The following ZNF704 variants were observed in gnomAD, a reference collection of about 807,000 sequenced individuals.
The protein encoded by ZNF704 is zinc finger protein 704.
ZNF704 carries 10 observed loss-of-function variants against 44.7 expected under a neutral mutation model. The observed-to-expected ratio is 0.22, with a 90% confidence interval of 0.14 to 0.38. The LOEUF (loss-of-function observed/expected upper bound fraction) is 0.38, where lower values mean the gene tolerates loss of function less well. Ranked by LOEUF, ZNF704 falls within the 10% of genes least tolerant of loss-of-function variation. The pLI is 1.00. For synonymous variants in ZNF704, 211 were observed against 207.6 expected, an observed-to-expected ratio of 1.02 and a Z score of -0.14; for missense variants, 390 against 545.5, an observed-to-expected ratio of 0.71 and a Z score of 2.84.
At chr8:80,841,983 G>A (rs917507498) in intron 1 of ZNF704, among the ~76,000 whole-genome samples, 1 of 151,956 alleles carries the variant, frequency 6.6e-6, no homozygotes, top group African/African-American at 2.4e-5. Flanking sequence ...TTTTTCTAGC[G>A]ATTGGGTCTC....
At chr8:80,659,548 T>C in intron 7 of ZNF704, 37 bp downstream of exon 7, 1 of 1,586,058 alleles carries the variant, frequency 6.3e-7, no homozygotes, top group Non-Finnish European at 8.7e-7. Context: ...TACATTGGCT[T>C]TGACCAGATT....
chr8:80,723,421 A>C (rs1272706316), intron 2 of ZNF704, among the ~76,000 whole-genome samples: 1 of 152,210 alleles, frequency 6.6e-6, no homozygotes, highest in Non-Finnish European at 1.5e-5. Flanking sequence ...TGAAATTTAC[A>C]AATGTGTTTT....
intron 2 of ZNF704, among the ~76,000 whole-genome samples, chr8:80,750,251 ACT>A (rs1261728328): frequency 1.3e-5 from 2 of 151,180 alleles, no homozygotes; most frequent in African/African-American, 4.9e-5. Flanking sequence ...ATGATTTCTC[ACT>A]CTGACTCGGA....
At chr8:80,779,200 TA>T in intron 2 of ZNF704, among the ~76,000 whole-genome samples, 1 of 151,810 alleles carries the variant, frequency 6.6e-6, no homozygotes, top group Non-Finnish European at 1.5e-5. Context: ...ACATGACATT[TA>T]AAAAAAATTC....
intron 2 of ZNF704, among the ~76,000 whole-genome samples, chr8:80,806,318 G>A (rs564445183): frequency 3.3e-5 from 5 of 152,236 alleles, no homozygotes; most frequent in Non-Finnish European, 5.9e-5. Flanking sequence ...TTTTTGCTCC[G>A]TGAGATCTAA....
chr8:80,854,714 G>A (rs535572845), intron 1 of ZNF704, among the ~76,000 whole-genome samples: 1 of 152,178 alleles, frequency 6.6e-6, no homozygotes, highest in Non-Finnish European at 1.5e-5. Context: ...TTGGAGCTTA[G>A]ACTGGTTTTG....
intron 2 of ZNF704, among the ~76,000 whole-genome samples, chr8:80,782,134 T>A (rs1242199680): frequency 6.6e-6 from 1 of 152,184 alleles, no homozygotes; most frequent in Admixed American, 6.5e-5. Flanking sequence ...CCTCTTGCTT[T>A]GAGTTAGCGC....
chr8:80,672,351 C>A (rs1361966451), intron 4 of ZNF704, among the ~76,000 whole-genome samples: 2 of 152,178 alleles, frequency 1.3e-5, no homozygotes, highest in Non-Finnish European at 1.5e-5. Flanking sequence ...CTGTGGAAGG[C>A]AGTTTGGAGA....
chr8:80,792,050 A>G (rs771566368), intron 2 of ZNF704, among the ~76,000 whole-genome samples: 8 of 152,170 alleles, frequency 5.3e-5, no homozygotes, highest in Non-Finnish European at 1.2e-4. Context: ...CCCTGGGGGC[A>G]CATCTGATGT....
chr8:80,801,247 T>C (rs1329678247), intron 2 of ZNF704, among the ~76,000 whole-genome samples: 2 of 152,112 alleles, frequency 1.3e-5, no homozygotes, highest in Non-Finnish European at 2.9e-5. Flanking sequence ...ACTGACAATA[T>C]TAGACAGATC....
chr8:80,826,385 T>A (rs938937330), intron 1 of ZNF704, among the ~76,000 whole-genome samples: 2 of 152,138 alleles, frequency 1.3e-5, no homozygotes, highest in African/African-American at 2.4e-5. Flanking sequence ...CAGGAAGAAG[T>A]TGAATCCCTG....
chr8:80,716,205 T>C (rs994604388), intron 2 of ZNF704, among the ~76,000 whole-genome samples: 4 of 152,200 alleles, frequency 2.6e-5, no homozygotes, highest in Admixed American at 2.0e-4. Flanking sequence ...TCATCCTTCA[T>C]CATAGACACC....
chr8:80,844,827 CTTTTT>C (rs1307220589), intron 1 of ZNF704, among the ~76,000 whole-genome samples: 1 of 144,914 alleles, frequency 6.9e-6, no homozygotes, highest in Non-Finnish European at 1.5e-5. Flanking sequence ...TTTTTCTTCT[CTTTTT>C]ATTTATTTAT....
chr8:80,706,215 A>T (rs1292465099), intron 2 of ZNF704, among the ~76,000 whole-genome samples: 1 of 152,158 alleles, frequency 6.6e-6, no homozygotes, highest in Admixed American at 6.5e-5. Flanking sequence ...AATCCACTTA[A>T]GCCCCAATAA....
At chr8:80,758,080 G>GCTGTGC (rs1288291857) in intron 2 of ZNF704, among the ~76,000 whole-genome samples, 2 of 152,186 alleles carry the variant, frequency 1.3e-5, no homozygotes, top group Non-Finnish European at 2.9e-5. Context: ...TTGTATTATA[G>GCTGTGC]CTGTGCCTTT....
chr8:80,718,900 G>A (rs1819117381), intron 2 of ZNF704, among the ~76,000 whole-genome samples: 1 of 152,066 alleles, frequency 6.6e-6, no homozygotes, highest in Admixed American at 6.5e-5. Context: ...GCAATAACCC[G>A]TTGTCCTCAT....
chr8:80,808,676 C>G (rs1268078680), intron 2 of ZNF704, among the ~76,000 whole-genome samples: 1 of 152,220 alleles, frequency 6.6e-6, no homozygotes, highest in Non-Finnish European at 1.5e-5. Flanking sequence ...GTGCAGCTGT[C>G]TGGCACTTTC....
intron 2 of ZNF704, among the ~76,000 whole-genome samples, chr8:80,733,930 A>G (rs1806623595): frequency 6.6e-6 from 1 of 152,154 alleles, no homozygotes; most frequent in African/African-American, 2.4e-5. Context: ...TTATTAGCTA[A>G]TCTAGAATTA....
intron 1 of ZNF704, among the ~76,000 whole-genome samples, chr8:80,836,506 G>A (rs997439773): frequency 3.3e-5 from 5 of 152,030 alleles, no homozygotes; most frequent in Non-Finnish European, 5.9e-5. Context: ...AGCCAGGTGT[G>A]GTAGCTCATG....
Sources: gnomAD v4.1 joint callset for allele counts (sites outside exome capture counted in the v4.1 genomes callset) on GRCh38, gnomAD v4.1.1 for gene constraint, MANE v1.5 for transcripts, NCBI Gene and HGNC (gene_info 2026-07-23, HGNC 2026-07-21) for gene names.